Variants in FOXD3 observed in about 807,000 individuals in gnomAD.
FOXD3 encodes forkhead box D3.
Under a neutral mutation model 3.6 loss-of-function variants are expected in FOXD3, and 3 were observed. That is an observed-to-expected ratio of 0.84 (90% CI 0.38 to 2.18). FOXD3 has a LOEUF of 2.18. FOXD3 is among the 30% of genes most tolerant of loss of function. The pLI is 0.06. For missense variants in FOXD3, 686 were observed against 731.6 expected (o/e 0.94, Z 0.72); for synonymous variants, 391 against 360.9 (o/e 1.08, Z -0.94).
chr1:63,322,817 G>C lies in FOXD3; in HGVS notation c.-242G>C, dbSNP rs961786604. Reference sequence around the variant, plus strand: ...GCGCCTAGTACCGAGCGCCAGGGACGGCAGGAGTTCGCGGAGCGCGGCCGC... The same window carrying C: ...GCGCCTAGTACCGAGCGCCAGGGACCGCAGGAGTTCGCGGAGCGCGGCCGC... On this transcript the variant is annotated 5_prime_UTR_variant, in exon 1 of 1. Coordinates refer to ENST00000371116, the MANE Select transcript of FOXD3 (RefSeq NM_012183.3). The C allele has an allele frequency of 5.1e-6, 5 of 985,368 alleles. No homozygotes were observed. The highest frequency in any genetic ancestry group is 5.2e-4 in the Middle Eastern group (1 of 1,912). The allele number at this position is 985,368 out of a possible 1,614,324, so 61.0% of individuals were successfully genotyped here. A position where few individuals can be genotyped will look rare whatever the true frequency, so the allele number is the denominator to read the frequency against.
rs370042310 is a variant in FOXD3 at position 63,323,004 on chromosome 1, A to G, written c.-55A>G. On this transcript the variant is annotated 5_prime_UTR_variant, in exon 1 of 1. Transcript: ENST00000371116. This position sits in a 1 kb window ranked among gnomAD's most constrained non-coding sequence, Gnocchi z 6.8. The stretch of plus-strand genomic sequence containing the variant: ...CCCTGAGCTCCGTGGCAGCCCCCGA[A>G]CACCCTCATCGCCCGCTGCCCCCTC... The G allele has an allele frequency of 1.7e-4, 249 of 1,502,922 alleles. 2 individuals carry two copies. The highest frequency in any genetic ancestry group is 1.1e-5 in the Non-Finnish European group (12 of 1,130,854). 93.1% of individuals were successfully genotyped at this position (1,502,922 alleles called of 1,614,324 possible).
rs1647036346 is a variant in FOXD3, at chr1:63,322,935, C to G, written c.-124C>G. On this transcript the variant is annotated 5_prime_UTR_variant, in exon 1 of 1. Transcript: ENST00000371116. ...CCCCAAGCCACCTGCGGCCCCCTCC[C>G]CTCTCCCTGCCCCCCATCTTTCGGG... is the stretch of plus-strand genomic sequence containing the variant. 3 of 1,394,046 alleles carry G rather than the reference C, an allele frequency of 2.2e-6. No individual in the cohort carries two copies. In the Admixed American group the frequency reaches 9.4e-5, roughly 44 times the overall value. 86.4% of individuals were successfully genotyped at this position (1,394,046 alleles called of 1,614,324 possible). A position where few individuals can be genotyped will look rare whatever the true frequency, so the allele number is the denominator to read the frequency against.
chr1:63,323,307 G>C lies in FOXD3; in HGVS notation c.249G>C (p.Lys83Asn). 2 of 1,400,080 alleles carry C rather than the reference G, an allele frequency of 1.4e-6. No individual in the cohort carries two copies. The highest frequency in any genetic ancestry group is 9.3e-7 in the Non-Finnish European group (1 of 1,080,798). The allele number at this position is 1,400,080 out of a possible 1,614,324, so 86.7% of individuals were successfully genotyped here. A position where few individuals can be genotyped will look rare whatever the true frequency, so the allele number is the denominator to read the frequency against. ...PPHQQPLTLP[K>N]EAAGAGAGPG... ...ACCAGCAGCCCCTGACATTGCCCAAGGAGGCGGCCGGAGCCGGGGCCGGAC... is the reference window on the plus strand; with the variant it reads ...ACCAGCAGCCCCTGACATTGCCCAACGAGGCGGCCGGAGCCGGGGCCGGAC... The change falls in exon 1 of 1, where the codon AAG (lysine) becomes AAC (asparagine). Residue 83 changes from lysine (K) to asparagine (N), a missense_variant. By Grantham distance (94) the Lys-to-Asn change is moderately conservative. Around this residue, in one of 3 missense-constraint regions of FOXD3, gnomAD observed 232 missense variants for 214.0 expected, o/e 1.08. Coordinates refer to ENST00000371116, the MANE Select transcript of FOXD3 (RefSeq NM_012183.3). This position sits in a 1 kb window ranked among gnomAD's most constrained non-coding sequence, Gnocchi z 6.8.
rs534816669 is a variant in FOXD3 at position 63,324,216 on chromosome 1, G to A, written c.1158G>A (p.Gly386=). Residue 386 remains glycine (G), a synonymous_variant, in exon 1 of 1, where the codon GGG becomes GGA. Transcript: ENST00000371116. This position sits in a 1 kb window ranked among gnomAD's most constrained non-coding sequence, Gnocchi z 4.1. ...TCAGCATCGAGAACATCATAGGTGG[G>A]GGCCCCGCGGCTCCTGGGGGCTCGG... The part of the protein sequence containing the change: ...PSFSIENIIG[G]GPAAPGGSAV... 1.6e-5 allele frequency: 23 copies of A among 1,441,848 alleles called. 1 individual carries two copies. In the South Asian group the frequency reaches 1.9e-4, roughly 12 times the overall value. 89.3% of individuals were successfully genotyped at this position (1,441,848 alleles called of 1,614,324 possible). A position where few individuals can be genotyped will look rare whatever the true frequency, so the allele number is the denominator to read the frequency against.
rs1045458311 is a variant in FOXD3, at chr1:63,322,676, C to G, written c.-383C>G. On this transcript the variant is annotated 5_prime_UTR_variant, in exon 1 of 1. Coordinates refer to ENST00000371116, the MANE Select transcript of FOXD3 (RefSeq NM_012183.3). The stretch of plus-strand genomic sequence containing the variant: ...CCCTCCCGAGCTGCTCGGCGCCCGG[C>G]GTCCCGCGCCCGCCTGGACCGCTCC... 1 of 972,402 alleles carries G rather than the reference C, an allele frequency of 1.0e-6. No homozygotes were observed. Among genetic ancestry groups the G allele is most frequent in the African/African-American group, 1.8e-5 (1 of 56,982 alleles). The allele number at this position is 972,402 out of a possible 1,614,324, so 60.2% of individuals were successfully genotyped here. A position where few individuals can be genotyped will look rare whatever the true frequency, so the allele number is the denominator to read the frequency against.
rs541120234 is a variant in FOXD3 at position 63,323,908 on chromosome 1, G to A, written c.850G>A (p.Gly284Ser). 55 of 1,326,330 alleles carry A rather than the reference G, an allele frequency of 4.1e-5. No homozygotes were observed. The East Asian group carries it at 1.6e-3, about 39-fold the overall frequency. 82.2% of individuals were successfully genotyped at this position (1,326,330 alleles called of 1,614,324 possible). Reference protein sequence around the residue: ...PYGLHPAAAAGAYSHPAAAAA... With the variant: ...PYGLHPAAAASAYSHPAAAAA... Reference sequence around the variant, plus strand: ...CGGCCTGCACCCTGCGGCGGCGGCCGGTGCCTATTCGCACCCGGCAGCGGC... The same window carrying A: ...CGGCCTGCACCCTGCGGCGGCGGCCAGTGCCTATTCGCACCCGGCAGCGGC... The change falls in exon 1 of 1, where the codon GGT (glycine) becomes AGT (serine). Residue 284 changes from glycine to serine, a missense_variant. Gly to Ser is a moderately conservative substitution (Grantham distance 56, BLOSUM62 0). This residue lies in a region of FOXD3 where 370 missense variants were observed against 372.3 expected (regional missense o/e 0.99). Coordinates refer to ENST00000371116, the MANE Select transcript of FOXD3 (RefSeq NM_012183.3). This position sits in a 1 kb window ranked among gnomAD's most constrained non-coding sequence, Gnocchi z 6.8.
In FOXD3 at chr1:63,322,846, G is replaced by T; in HGVS notation, c.-213G>T. On this transcript the variant is annotated 5_prime_UTR_variant, in exon 1 of 1. Coordinates refer to ENST00000371116, the MANE Select transcript of FOXD3 (RefSeq NM_012183.3). Reference sequence around the variant, plus strand: ...GGAGTTCGCGGAGCGCGGCCGCTGGGGGCGGACGGCAGAGCCCGCGCCACG... The same window carrying T: ...GGAGTTCGCGGAGCGCGGCCGCTGGTGGCGGACGGCAGAGCCCGCGCCACG... The T allele has an allele frequency of 2.0e-6, 2 of 985,386 alleles. No individual in the cohort carries two copies. The highest frequency in any genetic ancestry group is 2.4e-6 in the Non-Finnish European group (2 of 829,906). 61.0% of individuals were successfully genotyped at this position (985,386 alleles called of 1,614,324 possible).
chr1:63,324,647 A>C lies in FOXD3; in HGVS notation c.*152A>C. ...CCAATTTCCTTTCCCCTGAGCCCCC[A>C]ACGCCTACCTTCCGCGGCCTCCATC... On this transcript the variant is annotated 3_prime_UTR_variant, in exon 1 of 1. Transcript: ENST00000371116. This position sits in a 1 kb window ranked among gnomAD's most constrained non-coding sequence, Gnocchi z 4.1. 1 of 636,880 alleles carries C rather than the reference A, an allele frequency of 1.6e-6. No homozygotes were observed. Among genetic ancestry groups the C allele is most frequent in the South Asian group, 2.0e-5 (1 of 49,298 alleles). The allele number at this position is 636,880 out of a possible 1,614,324, so 39.5% of individuals were successfully genotyped here. A position where few individuals can be genotyped will look rare whatever the true frequency, so the allele number is the denominator to read the frequency against.
At position 63,324,642 on chromosome 1, in the gene FOXD3, C is replaced by T. The variant is rs900509540; in HGVS notation, c.*147C>T. The T allele has an allele frequency of 6.2e-6, 4 of 646,488 alleles. No homozygotes were observed. The highest frequency in any genetic ancestry group is 4.2e-4 in the Middle Eastern group (1 of 2,368). 40.0% of individuals were successfully genotyped at this position (646,488 alleles called of 1,614,324 possible). A position where few individuals can be genotyped will look rare whatever the true frequency, so the allele number is the denominator to read the frequency against. ...TCTCCCCAATTTCCTTTCCCCTGAG[C>T]CCCCAACGCCTACCTTCCGCGGCCT... On this transcript the variant is annotated 3_prime_UTR_variant, in exon 1 of 1. Transcript: ENST00000371116. This position sits in a 1 kb window ranked among gnomAD's most constrained non-coding sequence, Gnocchi z 4.1.
chr1:63,322,711 C>T lies in FOXD3; in HGVS notation c.-348C>T. 1 of 984,080 alleles carries T rather than the reference C, an allele frequency of 1.0e-6. No individual in the cohort carries two copies. The highest frequency in any genetic ancestry group is 1.2e-6 in the Non-Finnish European group (1 of 828,710). 61.0% of individuals were successfully genotyped at this position (984,080 alleles called of 1,614,324 possible). On this transcript the variant is annotated 5_prime_UTR_variant, in exon 1 of 1. In the 5' UTR this introduces an upstream ATG that the reference lacks. Transcript: ENST00000371116. ...CCGCCTGGACCGCTCCTGCGCCCCA[C>T]GCCAGGGCCAGAGGCCGAGGAAGGC...
rs1421714223 is a variant in FOXD3, at chr1:63,323,470, A to T, written c.412A>T (p.Ser138Cys). Reference protein sequence around the residue: ...GGLAPSKPKNSLVKPPYSYIA... With the variant: ...GGLAPSKPKNCLVKPPYSYIA... ...CCTGGCCCCGAGCAAGCCCAAGAAC[A>T]GCCTAGTGAAGCCGCCTTACTCGTA... The change falls in exon 1 of 1, where the codon AGC (serine) becomes TGC (cysteine). Residue 138 changes from serine to cysteine, a missense_variant. Physicochemically the swap from Ser to Cys is moderately radical, Grantham distance 112. This residue lies in a region of FOXD3 where 84 missense variants were observed against 145.2 expected (regional missense o/e 0.58). Coordinates refer to ENST00000371116, the MANE Select transcript of FOXD3 (RefSeq NM_012183.3). This position sits in a 1 kb window ranked among gnomAD's most constrained non-coding sequence, Gnocchi z 6.8. 6.2e-7 allele frequency: 1 copy of T among 1,612,908 alleles called. No individual in the cohort carries two copies. Among genetic ancestry groups the T allele is most frequent in the East Asian group, 2.2e-5 (1 of 44,784 alleles).
Position 63,323,100 on chromosome 1 carries a change from C to T in FOXD3, c.42C>T (p.Gly14=). The T allele has an allele frequency of 6.4e-7, 1 of 1,563,590 alleles. No homozygotes were observed. Among genetic ancestry groups the T allele is most frequent in the Non-Finnish European group, 8.6e-7 (1 of 1,156,982 alleles). The stretch of plus-strand genomic sequence containing the variant: ...GCGGCAGCGCCAGCGACATGTCCGG[C>T]CAGACGGTGCTGACGGCCGAGGACG... ...SGGGSASDMS[G]QTVLTAEDVD... The change falls in exon 1 of 1, where the codon GGC becomes GGT. Residue 14 remains glycine (G), a synonymous_variant. Transcript: ENST00000371116. This position sits in a 1 kb window ranked among gnomAD's most constrained non-coding sequence, Gnocchi z 6.8.
Position 63,323,268 on chromosome 1 carries a change from G to A in FOXD3, c.210G>A (p.Gln70=). The A allele has an allele frequency of 6.7e-7, 1 of 1,499,016 alleles. No individual in the cohort carries two copies. The highest frequency in any genetic ancestry group is 8.9e-7 in the Non-Finnish European group (1 of 1,126,126). 92.9% of individuals were successfully genotyped at this position (1,499,016 alleles called of 1,614,324 possible). ...CCCCGGCGGCACCCCATCACGGACA[G>A]CCTCAGCCGCCCCACCAGCAGCCCC... ...EVPPAAPHHG[Q]PQPPHQQPLT... is the part of the protein sequence containing the mutation. Residue 70 remains glutamine (Q), a synonymous_variant, in exon 1 of 1, where the codon CAG becomes CAA. Transcript: ENST00000371116. This position sits in a 1 kb window ranked among gnomAD's most constrained non-coding sequence, Gnocchi z 6.8.
In FOXD3 at chr1:63,323,394, GGGCGGCGCGAGCGGC is replaced by G; in HGVS notation, c.342_356del (p.Ala115_Gly119del). On this transcript the variant is annotated inframe_deletion, in exon 1 of 1. Coordinates refer to ENST00000371116, the MANE Select transcript of FOXD3 (RefSeq NM_012183.3). This position sits in a 1 kb window ranked among gnomAD's most constrained non-coding sequence, Gnocchi z 6.8. ...GCAAGGGCGGTGTTGGCGGCGAGGA[GGGCGGCGCGAGCGGC>G]GGCGGGCCTGGCGCGGGCAGCGGTT... 7.0e-7 allele frequency: 1 copy of G among 1,433,102 alleles called. No individual in the cohort carries two copies. Among genetic ancestry groups the G allele is most frequent in the Non-Finnish European group, 9.1e-7 (1 of 1,096,530 alleles). The allele number at this position is 1,433,102 out of a possible 1,614,324, so 88.8% of individuals were successfully genotyped here. A position where few individuals can be genotyped will look rare whatever the true frequency, so the allele number is the denominator to read the frequency against.
rs1156838466 is a variant in FOXD3 at position 63,325,071 on chromosome 1, C to T, written c.*576C>T. ...TATATGAATGAATATATATGGTATT[C>T]TAAATGTTATTCCATCGTGTTGTAC... is the stretch of plus-strand genomic sequence containing the variant. On this transcript the variant is annotated 3_prime_UTR_variant, in exon 1 of 1. Coordinates refer to ENST00000371116, the MANE Select transcript of FOXD3 (RefSeq NM_012183.3). 2 of 166,710 alleles carry T rather than the reference C, an allele frequency of 1.2e-5. No homozygotes were observed. The highest frequency in any genetic ancestry group is 2.4e-5 in the African/African-American group (1 of 41,444). 10.3% of individuals were successfully genotyped at this position (166,710 alleles called of 1,614,324 possible). A position where few individuals can be genotyped will look rare whatever the true frequency, so the allele number is the denominator to read the frequency against.
chr1:63,324,506 A>G lies in FOXD3; in HGVS notation c.*11A>G. 6.5e-7 allele frequency: 1 copy of G among 1,528,298 alleles called. No homozygotes were observed. The highest frequency in any genetic ancestry group is 2.5e-5 in the East Asian group (1 of 40,420). The allele number at this position is 1,528,298 out of a possible 1,614,324, so 94.7% of individuals were successfully genotyped here. ...TGGCCGGCGCAATAGGGACGCGCCA[A>G]TGGCCGGGACCCAGGGTCCGGCGGC... On this transcript the variant is annotated 3_prime_UTR_variant, in exon 1 of 1. Coordinates refer to ENST00000371116, the MANE Select transcript of FOXD3 (RefSeq NM_012183.3). This position sits in a 1 kb window ranked among gnomAD's most constrained non-coding sequence, Gnocchi z 4.1.
In FOXD3 at chr1:63,322,669, C is replaced by G; in HGVS notation, c.-390C>G. On this transcript the variant is annotated 5_prime_UTR_variant, in exon 1 of 1. Transcript: ENST00000371116. The stretch of plus-strand genomic sequence containing the variant: ...GCCCGCGCCCTCCCGAGCTGCTCGG[C>G]GCCCGGCGTCCCGCGCCCGCCTGGA... 3.1e-6 allele frequency: 3 copies of G among 970,192 alleles called. No individual in the cohort carries two copies. Among genetic ancestry groups the G allele is most frequent in the Non-Finnish European group, 3.7e-6 (3 of 816,056 alleles). 60.1% of individuals were successfully genotyped at this position (970,192 alleles called of 1,614,324 possible).
rs1429125761 is a variant in FOXD3 at position 63,323,688 on chromosome 1, C to T, written c.630C>T (p.Gly210=). The change falls in exon 1 of 1, where the codon GGC becomes GGT. Residue 210 remains glycine (G), a synonymous_variant. Coordinates refer to ENST00000371116, the MANE Select transcript of FOXD3 (RefSeq NM_012183.3). This position sits in a 1 kb window ranked among gnomAD's most constrained non-coding sequence, Gnocchi z 6.8. ...TCCCCCGCGAGCCGGGCAACCCGGG[C>T]AAGGGCAACTACTGGACCCTGGACC... ...VKIPREPGNP[G]KGNYWTLDPQ... 6.2e-7 allele frequency: 1 copy of T among 1,614,100 alleles called. No individual in the cohort carries two copies. Among genetic ancestry groups the T allele is most frequent in the East Asian group, 2.2e-5 (1 of 44,844 alleles).
Position 63,324,489 on chromosome 1 carries a change from G to T in FOXD3, c.1431G>T (p.Ala477=), listed in dbSNP as rs1221843212. The T allele has an allele frequency of 2.0e-6, 3 of 1,536,450 alleles. No individual in the cohort carries two copies. Among genetic ancestry groups the T allele is most frequent in the Non-Finnish European group, 2.6e-6 (3 of 1,146,660 alleles). Residue 477 remains alanine, a synonymous_variant, in exon 1 of 1, where the codon GCG becomes GCT. Transcript: ENST00000371116. This position sits in a 1 kb window ranked among gnomAD's most constrained non-coding sequence, Gnocchi z 4.1. ...AAAAAQAKWP[A]Q ...CCGCCGCTCAAGCCAAATGGCCGGC[G>T]CAATAGGGACGCGCCAATGGCCGGG...
Sources: allele counts gnomAD v4.1 joint callset, GRCh38; gene constraint gnomAD v4.1.1; regional missense constraint gnomAD v4.1.1; non-coding constraint Gnocchi (gnomAD v3.1); transcripts MANE v1.5; gene names NCBI Gene and HGNC (gene_info 2026-07-23, HGNC 2026-07-21).